The following CRBN variants were observed in gnomAD, a reference collection of about 807,000 sequenced individuals.
The protein encoded by CRBN is protein cereblon.
CRBN carries 53 observed loss-of-function variants against 62.2 expected under a neutral mutation model. The ratio of observed to expected loss-of-function variants is 0.85; its 90% CI spans 0.68 to 1.07. The LOEUF is 1.07. Among genes scored for constraint, CRBN ranks in the 50% least tolerant of loss-of-function variants. The pLI is 0.00. For synonymous variants in CRBN, 208 were observed against 176.1 expected (o/e 1.18, Z -1.43); for missense variants, 616 against 531.1 (o/e 1.16, Z -1.57).
chr3:3,150,844 CTT>C lies in CRBN; in HGVS notation c.*19_*20del, dbSNP rs1491120829. The stretch of plus-strand genomic sequence containing the variant: ...AGAATATAACCAATTTGTTAGATAA[CTT>C]TATCTCTATCACATCTGTTTACAAG... On this transcript the variant is annotated 3_prime_UTR_variant, in exon 11 of 11. Transcript: ENST00000231948. 51 of 1,607,226 alleles carry C rather than the reference CTT, an allele frequency of 3.2e-5. No homozygotes were observed. The highest frequency in any genetic ancestry group is 2.3e-4 in the African/African-American group (17 of 74,760).
chr3:3,174,300 T>C, intron 2 of CRBN, 39 bp from the exon 3 acceptor site: 3 of 1,471,878 alleles, frequency 2.0e-6, no homozygotes, highest in South Asian at 1.1e-5. Context: ...TCATGATCGA[T>C]ATGTAATAAA....
downstream of CRBN, chr3:3,149,913 A>C (rs1430983663): frequency 6.6e-6 from 1 of 152,152 alleles, no homozygotes; most frequent in African/African-American, 2.4e-5. Flanking sequence ...GGACCCACTA[A>C]ACCCTTGAAT....
At position 3,150,113 on chromosome 3, in the gene CRBN, TG is replaced by T. The variant is rs893769613; in HGVS notation, c.*751del. 6.6e-6 allele frequency: 1 copy of T among 152,182 alleles called. No homozygotes were observed. The highest frequency in any genetic ancestry group is 2.4e-5 in the African/African-American group (1 of 41,470). The allele number at this position is 152,182 out of a possible 1,614,324, so 9.4% of individuals were successfully genotyped here. A position where few individuals can be genotyped will look rare whatever the true frequency, so the allele number is the denominator to read the frequency against. The stretch of plus-strand genomic sequence containing the variant: ...TTAGTCTGGGTGAGGGGACATGTTT[TG>T]GCATCTTTTCCCTATAGTAGTAGTT... On this transcript the variant is annotated 3_prime_UTR_variant, in exon 11 of 11. Transcript: ENST00000231948.
intron 1 of CRBN, among the ~76,000 whole-genome samples, chr3:3,177,521 T>C (rs937018254): frequency 2.0e-5 from 3 of 152,230 alleles, no homozygotes; most frequent in Non-Finnish European, 2.9e-5. Context: ...GCTATCTAAA[T>C]GGATGACAAA....
chr3:3,179,323 T>C (rs1039217042), intron 1 of CRBN, among the ~76,000 whole-genome samples: 7 of 152,132 alleles, frequency 4.6e-5, no homozygotes, highest in Non-Finnish European at 1.0e-4. Context: ...TTTCAGAGCA[T>C]TTCCTAGGAG....
chr3:3,156,104 A>AT, intron 6 of CRBN, 115 bp downstream of exon 6: 1 of 894,950 alleles, frequency 1.1e-6, no homozygotes, highest in East Asian at 2.5e-5. Flanking sequence ...ACTCTTAACG[A>AT]TATCTTAAGT....
At chr3:3,167,487 CA>C (rs1052924006) in intron 5 of CRBN, 146 bp downstream of exon 5, 61 of 748,676 alleles carry the variant, frequency 8.1e-5, no homozygotes, top group Non-Finnish European at 1.1e-4. Flanking sequence ...GCTGCCTGTG[CA>C]ATTTTTAGAG....
intron 1 of CRBN, among the ~76,000 whole-genome samples, chr3:3,178,805 T>C (rs711613): frequency 0.51 from 77,322 of 152,058 alleles, 21,781 homozygotes; most frequent in Middle Eastern, 0.7. Context: ...ACTCAAGTAA[T>C]ACTTTCAAGT....
At chr3:3,153,855 C>T in intron 8 of CRBN, 105 bp downstream of exon 8, 1 of 740,280 alleles carries the variant, frequency 1.4e-6, no homozygotes, top group Non-Finnish European at 2.5e-6. Flanking sequence ...AATTGCATGA[C>T]TACATTACTG....
rs1337623829 is a variant in CRBN, at chr3:3,152,723, A to G, written c.1017-136T>C. 4.8e-6 allele frequency: 5 copies of G among 1,052,216 alleles called. No individual in the cohort carries two copies. In the African/African-American group the frequency reaches 6.4e-5, roughly 13 times the overall value. 65.2% of individuals were successfully genotyped at this position (1,052,216 alleles called of 1,614,324 possible). A position where few individuals can be genotyped will look rare whatever the true frequency, so the allele number is the denominator to read the frequency against. On this transcript the variant is annotated intron_variant, in intron 9 of 10. Coordinates refer to ENST00000231948, the MANE Select transcript of CRBN (RefSeq NM_016302.4). ...TTTTAATCCTTCAGTTTTATATAAT[A>G]CCAGGATCTTAGTATGAAAATGGGG...
chr3:3,174,105 G>T lies in CRBN; in HGVS notation c.331C>A (p.Arg111=). The part of the protein sequence containing the change: ...LFHPQEVSMV[R]NLIQKDRTFA... ...GTTCTATCTTTCTGAATTAAATTCCGCACCATACTGACTTCTTGAGGGTGA... is the reference window on the plus strand; with the variant it reads ...GTTCTATCTTTCTGAATTAAATTCCTCACCATACTGACTTCTTGAGGGTGA... The change falls in exon 3 of 11, where the codon CGG becomes AGG. Residue 111 remains arginine (R), a synonymous_variant. Transcript: ENST00000231948. 1 of 1,614,066 alleles carries T rather than the reference G, an allele frequency of 6.2e-7. No individual in the cohort carries two copies. The highest frequency in any genetic ancestry group is 8.5e-7 in the Non-Finnish European group (1 of 1,179,994).
At chr3:3,179,286 C>A (rs1460905439) in intron 1 of CRBN, among the ~76,000 whole-genome samples, 2 of 152,184 alleles carry the variant, frequency 1.3e-5, no homozygotes, top group Non-Finnish European at 2.9e-5. Context: ...CAAAAGTAAC[C>A]GCTGTGAATC....
chr3:3,158,381 TGGG>T (rs1559246471), intron 5 of CRBN, among the ~76,000 whole-genome samples: 1 of 152,182 alleles, frequency 6.6e-6, no homozygotes, highest in African/African-American at 2.4e-5. Context: ...GGCCAGGATT[TGGG>T]GACCCCTGCC....
chr3:3,154,013 T>G lies in CRBN; in HGVS notation c.898A>C (p.Lys300Gln). 6.2e-7 allele frequency: 1 copy of G among 1,613,820 alleles called. No homozygotes were observed. Among genetic ancestry groups the G allele is most frequent in the Non-Finnish European group, 8.5e-7 (1 of 1,179,732 alleles). Reference sequence around the variant, plus strand: ...AGTCGCTGGATAGCACTGCCAATTTTAAGGAGCTGAATTCTCAATACATCA... The same window carrying G: ...AGTCGCTGGATAGCACTGCCAATTTGAAGGAGCTGAATTCTCAATACATCA... ...IDDVLRIQLL[K>Q]IGSAIQRLRC... is the part of the protein sequence containing the mutation. Residue 300 changes from lysine (K) to glutamine (Q), a missense_variant, in exon 8 of 11, where the codon AAA (lysine) becomes CAA (glutamine). By Grantham distance (53) the Lys-to-Gln change is moderately conservative. Transcript: ENST00000231948.
Position 3,175,180 on chromosome 3 carries a change from G to T in CRBN, c.157C>A (p.Leu53Met). 1 of 1,609,350 alleles carries T rather than the reference G, an allele frequency of 6.2e-7. No individual in the cohort carries two copies. The highest frequency in any genetic ancestry group is 1.1e-5 in the South Asian group (1 of 90,984). The change falls in exon 2 of 11, where the codon CTG becomes ATG. Residue 53 changes from leucine to methionine, a missense_variant. Leu to Met is a conservative substitution (Grantham distance 15). Transcript: ENST00000231948. ...KPNIINFDTS[L>M]PTSHTYLGAD... ...TTACATACTGTATGTGATGTCGGCA[G>T]ACTGGTGTCAAAATTTATGATGTTT...
In CRBN at chr3:3,154,009, A is replaced by G. The variant is rs758001907; in HGVS notation, c.902T>C (p.Ile301Thr). Residue 301 changes from isoleucine to threonine, a missense_variant, in exon 8 of 11, where the codon ATT becomes ACT. By Grantham distance (89) the Ile-to-Thr change is moderately conservative. Transcript: ENST00000231948. ...DDVLRIQLLK[I>T]GSAIQRLRCE... ...GCGAAGTCGCTGGATAGCACTGCCA[A>G]TTTTAAGGAGCTGAATTCTCAATAC... 2.3e-5 allele frequency: 37 copies of G among 1,613,732 alleles called. No homozygotes were observed. The highest frequency in any genetic ancestry group is 6.7e-5 in the East Asian group (3 of 44,872).
intron 5 of CRBN, among the ~76,000 whole-genome samples, chr3:3,159,323 A>G (rs1232144317): frequency 1.3e-5 from 2 of 152,206 alleles, no homozygotes; most frequent in African/African-American, 2.4e-5. Context: ...TCTTAGAATT[A>G]CAAAATGACA....
At position 3,172,812 on chromosome 3, in the gene CRBN, C is replaced by T. The variant is rs1707675358; in HGVS notation, c.491G>A (p.Arg164Lys). 6.2e-7 allele frequency: 1 copy of T among 1,613,988 alleles called. No individual in the cohort carries two copies. The highest frequency in any genetic ancestry group is 8.5e-7 in the Non-Finnish European group (1 of 1,179,918). The change falls in exon 4 of 11, where the codon AGG (arginine) becomes AAG (lysine). Residue 164 changes from arginine (R) to lysine (K), a missense_variant. Transcript: ENST00000231948. ...IVKVKAIGRQ[R>K]FKVLELRTQS... is the part of the protein sequence containing the mutation. ...TGTTCTTAGCTCAAGGACTTTGAAC[C>T]TTTGTCTTCCAATTGCTTTCACTTT...
At chr3:3,170,558 C>T (rs1707565981) in intron 4 of CRBN, among the ~76,000 whole-genome samples, 1 of 152,134 alleles carries the variant, frequency 6.6e-6, no homozygotes, top group African/African-American at 2.4e-5. Context: ...TCTCTAGTAC[C>T]TGGCATTCTG....
Sources: gnomAD v4.1 joint callset for allele counts (sites outside exome capture counted in the v4.1 genomes callset) on GRCh38, gnomAD v4.1.1 for gene constraint, MANE v1.5 for transcripts, NCBI Gene and HGNC (gene_info 2026-07-23, HGNC 2026-07-21) for gene names.